Variants in RHOBTB1 observed in about 807,000 individuals in gnomAD.
RHOBTB1 encodes the protein Rho related BTB domain containing 1.
A neutral mutation model predicts 71.6 loss-of-function variants in RHOBTB1; 40 were observed. The ratio of observed to expected loss-of-function variants is 0.56; its 90% CI spans 0.43 to 0.73. RHOBTB1 has a LOEUF of 0.73. Among genes scored for constraint, RHOBTB1 ranks in the 30% least tolerant of loss-of-function variants. The probability of loss-of-function intolerance (pLI) is 0.00; values close to 1 mark genes in which losing one functional copy is unlikely to be tolerated. For missense variants in RHOBTB1, 797 were observed against 894.0 expected (o/e 0.89, Z 1.38); for synonymous variants, 319 against 334.9 (o/e 0.95, Z 0.52).
At chr10:60,876,810 G>A (rs950571129) in intron 8 of RHOBTB1, among the ~76,000 whole-genome samples, 1 of 152,230 alleles carries the variant, frequency 6.6e-6, no homozygotes, top group South Asian at 2.1e-4. Context: ...CCAGGTGGTT[G>A]TGTGTAGTAG....
intron 2 of RHOBTB1, among the ~76,000 whole-genome samples, chr10:60,957,749 T>C (rs956519445): frequency 2.0e-5 from 3 of 152,192 alleles, no homozygotes; most frequent in African/African-American, 7.2e-5. Context: ...ACTTGTCCAA[T>C]GGTAATGATA....
At chr10:60,904,419 C>A (rs1240920780) in intron 4 of RHOBTB1, among the ~76,000 whole-genome samples, 3 of 152,176 alleles carry the variant, frequency 2.0e-5, no homozygotes, top group East Asian at 3.8e-4. Context: ...CCTTTGTGAT[C>A]CATCCCTCCC....
chr10:60,912,129 C>T (rs2083008389), intron 2 of RHOBTB1, among the ~76,000 whole-genome samples: 1 of 151,962 alleles, frequency 6.6e-6, no homozygotes, highest in Admixed American at 6.6e-5. Context: ...ACTGCTAAGT[C>T]TAAATTTAAT....
At chr10:60,890,714 A>C (rs2081875375) in intron 5 of RHOBTB1, among the ~76,000 whole-genome samples, 1 of 152,184 alleles carries the variant, frequency 6.6e-6, no homozygotes. Context: ...AAAAGATAAT[A>C]CTGGATAGAA....
intron 7 of RHOBTB1, among the ~76,000 whole-genome samples, chr10:60,880,959 A>G (rs1268310796): frequency 1.3e-5 from 2 of 152,194 alleles, no homozygotes; most frequent in Non-Finnish European, 2.9e-5. Flanking sequence ...TGGATTAGTG[A>G]TATGGTTTGG....
In RHOBTB1 at chr10:60,872,405, G is replaced by A. The variant is rs556556157; in HGVS notation, c.1816-115C>T. 1.8e-4 allele frequency: 132 copies of A among 728,344 alleles called. 1 individual carries two copies. Among genetic ancestry groups the A allele is most frequent in the Non-Finnish European group, 2.6e-4 (108 of 417,744 alleles). 45.1% of individuals were successfully genotyped at this position (728,344 alleles called of 1,614,324 possible). A position where few individuals can be genotyped will look rare whatever the true frequency, so the allele number is the denominator to read the frequency against. ...AATGAAGGGCTTATATAACTAATTC[G>A]GTAAACCTCTTGTTTTGACCTCAAT... On this transcript the variant is annotated intron_variant, in intron 9 of 10. Coordinates refer to ENST00000337910, the MANE Select transcript of RHOBTB1 (RefSeq NM_014836.5).
intron 1 of RHOBTB1, among the ~76,000 whole-genome samples, chr10:61,000,566 G>T (rs1345712386): frequency 5.3e-5 from 8 of 152,076 alleles, no homozygotes; most frequent in Non-Finnish European, 1.0e-4. Context: ...ACACCTGCTG[G>T]ACTCATTATT....
At chr10:60,882,972 T>C (rs2132466050) in intron 7 of RHOBTB1, among the ~76,000 whole-genome samples, 1 of 152,332 alleles carries the variant, frequency 6.6e-6, no homozygotes, top group South Asian at 2.1e-4. Flanking sequence ...ATGCCTTCTC[T>C]GCCCTTTGAC....
intron 2 of RHOBTB1, among the ~76,000 whole-genome samples, chr10:60,927,231 A>G (rs1320106382): frequency 6.6e-6 from 1 of 152,230 alleles, no homozygotes; most frequent in Non-Finnish European, 1.5e-5. Flanking sequence ...AAGATACTCC[A>G]TGTTCATAGA....
intron 9 of RHOBTB1, 84 bp downstream of exon 9, chr10:60,874,870 A>G: frequency 1.1e-6 from 1 of 950,408 alleles, no homozygotes; most frequent in Non-Finnish European, 1.7e-6. Flanking sequence ...CTTCATTTAG[A>G]CAGATGCAAC....
chr10:60,924,771 T>A (rs184176671), intron 2 of RHOBTB1, among the ~76,000 whole-genome samples: 169 of 152,308 alleles, frequency 1.1e-3, no homozygotes, highest in Admixed American at 1.9e-3. Context: ...CAAAAATTTT[T>A]AAAAAATTAT....
chr10:60,903,860 C>T (rs549483484), intron 4 of RHOBTB1, among the ~76,000 whole-genome samples: 6 of 152,258 alleles, frequency 3.9e-5, no homozygotes, highest in East Asian at 3.9e-4. Context: ...ACGTTTTCAA[C>T]GAGACTAACT....
chr10:60,864,139 A>G, the RHOBTB1 span, among the ~76,000 whole-genome samples: 5 of 152,098 alleles, frequency 3.3e-5, no homozygotes, highest in Admixed American at 1.3e-4. Flanking sequence ...CACCCTTTCC[A>G]GTCGCCCCCT....
chr10:60,922,881 CAAG>C (rs893502815), intron 2 of RHOBTB1, among the ~76,000 whole-genome samples: 4 of 152,144 alleles, frequency 2.6e-5, no homozygotes, highest in African/African-American at 4.8e-5. Flanking sequence ...GGGGTTAATC[CAAG>C]AAGGAGTCAG....
chr10:60,974,415 G>C (rs1224347344), intron 2 of RHOBTB1, among the ~76,000 whole-genome samples: 1 of 151,972 alleles, frequency 6.6e-6, no homozygotes, highest in African/African-American at 2.4e-5. Context: ...TCAAGATAAG[G>C]AGAATACAAT....
chr10:60,938,163 A>G (rs2084698276), intron 2 of RHOBTB1, among the ~76,000 whole-genome samples: 1 of 152,232 alleles, frequency 6.6e-6, no homozygotes, highest in African/African-American at 2.4e-5. Flanking sequence ...TCTCAGCACC[A>G]CTGAAGATAA....
chr10:60,915,125 G>C (rs2083200955), intron 2 of RHOBTB1, among the ~76,000 whole-genome samples: 1 of 152,162 alleles, frequency 6.6e-6, no homozygotes. Flanking sequence ...CAGTTGCATT[G>C]TTGTAAATCA....
chr10:60,950,842 T>C (rs2085385560), intron 2 of RHOBTB1, among the ~76,000 whole-genome samples: 1 of 152,032 alleles, frequency 6.6e-6, no homozygotes, highest in African/African-American at 2.4e-5. Context: ...CCCCAATTCC[T>C]CCCTCCCCAA....
chr10:60,893,016 A>G lies in RHOBTB1; in HGVS notation c.297-21T>C, dbSNP rs781415315. 8 of 1,594,300 alleles carry G rather than the reference A, an allele frequency of 5.0e-6. No individual in the cohort carries two copies. The African/African-American group carries it at 1.1e-4, about 22-fold the overall frequency. The stretch of plus-strand genomic sequence containing the variant: ...CAGACCTAAAAGGAAATCATAAAAG[A>G]AGCTTGTATTGCCTTTTAACAGGTT... On this transcript the variant is annotated intron_variant, in intron 4 of 10. Transcript: ENST00000337910.
Sources: allele counts gnomAD v4.1 joint callset (sites outside exome capture counted in the v4.1 genomes callset), GRCh38; gene constraint gnomAD v4.1.1; transcripts MANE v1.5; gene names NCBI Gene and HGNC (gene_info 2026-07-23, HGNC 2026-07-21).